The following SYNPO2 variants were observed in gnomAD, a reference collection of about 807,000 sequenced individuals.
The protein encoded by SYNPO2 is synaptopodin-2.
A neutral mutation model predicts 85.0 loss-of-function variants in SYNPO2; 56 were observed. That is an observed-to-expected ratio of 0.66 (90% confidence interval 0.53 to 0.82). The LOEUF (loss-of-function observed/expected upper bound fraction) is 0.82. SYNPO2 is among the 40% of genes least tolerant of loss of function. The pLI, the probability that SYNPO2 is intolerant of heterozygous loss-of-function variation, is 0.00. For synonymous variants in SYNPO2, 602 were observed against 591.1 expected, an observed-to-expected ratio of 1.02 and a Z score of -0.27; for missense variants, 1,575 against 1,534.2, an observed-to-expected ratio of 1.03 and a Z score of -0.44.
At chr4:118,917,987 G>C (rs760514662) in intron 1 of SYNPO2, among the ~76,000 whole-genome samples, 2 of 152,122 alleles carry the variant, frequency 1.3e-5, no homozygotes, top group African/African-American at 2.4e-5. Context: ...AAAGTTAGAA[G>C]TACAAACTGA....
intron 1 of SYNPO2, among the ~76,000 whole-genome samples, chr4:118,853,922 G>A (rs546594160): frequency 2.6e-5 from 4 of 152,260 alleles, no homozygotes; most frequent in Non-Finnish European, 4.4e-5. Flanking sequence ...GTGGTCTGAC[G>A]CTATTGCAAT....
intron 1 of SYNPO2, among the ~76,000 whole-genome samples, chr4:119,009,419 A>G (rs1004055496): frequency 2.6e-5 from 4 of 152,218 alleles, no homozygotes; most frequent in African/African-American, 9.7e-5. Context: ...CTTATCTTCT[A>G]GTCTCCTTGA....
chr4:118,983,011 C>A (rs941234563), intron 1 of SYNPO2, among the ~76,000 whole-genome samples: 1 of 152,066 alleles, frequency 6.6e-6, no homozygotes, highest in African/African-American at 2.4e-5. Flanking sequence ...CTTGAAAATT[C>A]TTTCTTCCCT....
intron 4 of SYNPO2, chr4:119,037,477 A>G (rs1738565650): frequency 9.6e-7 from 1 of 1,041,228 alleles, no homozygotes; most frequent in African/African-American, 1.7e-5. Context: ...TCTTTTCTTC[A>G]GGATACACGG....
At chr4:119,036,007 T>C in intron 4 of SYNPO2, 5 of 985,382 alleles carry the variant, frequency 5.1e-6, no homozygotes, top group Non-Finnish European at 6.0e-6. Context: ...ACATGGCTGT[T>C]AGTGTCTGCG....
Position 119,030,957 on chromosome 4 carries a change from G to A in SYNPO2, c.2182G>A (p.Asp728Asn). 1.2e-6 allele frequency: 2 copies of A among 1,614,210 alleles called. No individual in the cohort carries two copies. The highest frequency in any genetic ancestry group is 1.7e-6 in the Non-Finnish European group (2 of 1,180,030). Residue 728 changes from aspartate to asparagine, a missense_variant, in exon 4 of 5, where the codon GAT (aspartate) becomes AAT (asparagine). Asp to Asn is a conservative substitution (Grantham distance 23). This residue lies in a region of SYNPO2 where 1,508 missense variants were observed against 1,446.8 expected (regional missense o/e 1.04). Coordinates refer to ENST00000307142, the MANE Select transcript of SYNPO2 (RefSeq NM_133477.3). ...EGKRGTGAGG[D>N]SGPEEDYLSL... is the part of the protein sequence containing the mutation. ...CAAACGGGGCACTGGAGCTGGAGGTGATTCCGGACCGGAAGAAGACTACCT... is the reference window on the plus strand; with the variant it reads ...CAAACGGGGCACTGGAGCTGGAGGTAATTCCGGACCGGAAGAAGACTACCT...
At chr4:118,986,823 T>G (rs1736238352) in intron 1 of SYNPO2, among the ~76,000 whole-genome samples, 2 of 152,202 alleles carry the variant, frequency 1.3e-5, no homozygotes, top group African/African-American at 4.8e-5. Context: ...ATTAAATAAA[T>G]GCCCTGGCTG....
At chr4:119,035,493 T>C in intron 4 of SYNPO2, 21 of 985,420 alleles carry the variant, frequency 2.1e-5, no homozygotes, top group Non-Finnish European at 2.5e-5. Context: ...GCATACCTTG[T>C]TAGGAACGTG....
At chr4:118,889,422 A>G (rs1316434299) in intron 1 of SYNPO2, among the ~76,000 whole-genome samples, 2 of 152,298 alleles carry the variant, frequency 1.3e-5, no homozygotes, top group Middle Eastern at 3.4e-3. Context: ...TTCTGACAAC[A>G]AGCAAGACAC....
chr4:118,917,935 TA>T (rs1233238798), intron 1 of SYNPO2, among the ~76,000 whole-genome samples: 5 of 152,220 alleles, frequency 3.3e-5, no homozygotes, highest in Admixed American at 6.5e-5. Context: ...CCCTATATAC[TA>T]AATTTTTACA....
At chr4:119,009,381 CA>C (rs1365633819) in intron 1 of SYNPO2, among the ~76,000 whole-genome samples, 1 of 151,958 alleles carries the variant, frequency 6.6e-6, no homozygotes, top group Non-Finnish European at 1.5e-5. Context: ...AAGAACATGC[CA>C]AAAAATCTTA....
intron 1 of SYNPO2, among the ~76,000 whole-genome samples, chr4:119,013,851 C>G (rs985823149): frequency 6.6e-6 from 1 of 152,088 alleles, no homozygotes; most frequent in African/African-American, 2.4e-5. Flanking sequence ...CAAAATGGAC[C>G]AATAGATTTT....
chr4:118,881,697 C>A (rs1467080318), intron 1 of SYNPO2, among the ~76,000 whole-genome samples: 1 of 152,170 alleles, frequency 6.6e-6, no homozygotes, highest in Non-Finnish European at 1.5e-5. Context: ...AAGCCACGTT[C>A]GGCCTCCAAG....
chr4:118,977,649 A>G (rs1246507856), intron 1 of SYNPO2, among the ~76,000 whole-genome samples: 1 of 152,230 alleles, frequency 6.6e-6, no homozygotes, highest in Non-Finnish European at 1.5e-5. Flanking sequence ...GGATCCAGCC[A>G]TTCTCCTGAT....
intron 4 of SYNPO2, chr4:119,032,961 T>G (rs1738346813): frequency 6.1e-6 from 3 of 487,840 alleles, no homozygotes; most frequent in African/African-American, 5.3e-5. Context: ...CTTAAGGAAC[T>G]AAGTGAGTAC....
intron 3 of SYNPO2, among the ~76,000 whole-genome samples, 170 bp from the exon 4 acceptor site, chr4:119,029,673 CAT>C (rs1327983102): frequency 1.3e-5 from 2 of 151,928 alleles, no homozygotes; most frequent in African/African-American, 4.8e-5. Context: ...TAGAAGGAAA[CAT>C]GTTAAGAGAA....
chr4:118,901,374 G>T (rs75170307), intron 1 of SYNPO2, among the ~76,000 whole-genome samples: 2 of 152,128 alleles, frequency 1.3e-5, no homozygotes, highest in Admixed American at 6.5e-5. Flanking sequence ...GACACAATAA[G>T]GCAAAGTTCC....
intron 1 of SYNPO2, among the ~76,000 whole-genome samples, chr4:118,943,723 T>C (rs1261963601): frequency 1.3e-5 from 2 of 152,242 alleles, no homozygotes; most frequent in Non-Finnish European, 2.9e-5. Flanking sequence ...AAGTCATCCA[T>C]ACTCCCAATG....
chr4:119,057,725 T>A lies in SYNPO2; in HGVS notation c.3577T>A (p.Ser1193Thr), dbSNP rs1306547469. The change falls in exon 5 of 5, where the codon TCA becomes ACA. Residue 1193 changes from serine to threonine, a missense_variant. Coordinates refer to ENST00000307142, the MANE Select transcript of SYNPO2 (RefSeq NM_133477.3). The stretch of plus-strand genomic sequence containing the variant: ...TCAAACCCAGAAGGCCTATATGGGC[T>A]CATGTGGAAGGCAAGAGTATAATGT... ...IPQTQKAYMG[S>T]CGRQEYNVTA... 1 of 1,614,044 alleles carries A rather than the reference T, an allele frequency of 6.2e-7. No individual in the cohort carries two copies. Among genetic ancestry groups the A allele is most frequent in the African/African-American group, 1.3e-5 (1 of 74,900 alleles).
Sources: allele counts gnomAD v4.1 joint callset (sites outside exome capture counted in the v4.1 genomes callset), GRCh38; gene constraint gnomAD v4.1.1; regional missense constraint gnomAD v4.1.1; transcripts MANE v1.5; gene names NCBI Gene and HGNC (gene_info 2026-07-23, HGNC 2026-07-21).